The following POLR3B variants were observed in gnomAD, a reference collection of about 807,000 sequenced individuals.
POLR3B encodes DNA-directed RNA polymerase III subunit RPC2.
Under a neutral mutation model 147.4 loss-of-function variants are expected in POLR3B, and 96 were observed. That is an observed-to-expected ratio of 0.65 (90% CI 0.55 to 0.77). POLR3B has a LOEUF of 0.77. Ranked by LOEUF, POLR3B falls within the 30% of genes least tolerant of loss-of-function variation. The probability of loss-of-function intolerance (pLI) is 0.00; values close to 1 mark genes in which losing one functional copy is unlikely to be tolerated. For synonymous variants in POLR3B, 461 were observed against 485.9 expected (o/e 0.95, Z 0.67); for missense variants, 1,036 against 1,413.5 (o/e 0.73, Z 4.28).
chr12:106,508,316 T>A (rs528713319), intron 27 of POLR3B, among the ~76,000 whole-genome samples: 1 of 152,278 alleles, frequency 6.6e-6, no homozygotes, highest in South Asian at 2.1e-4. Context: ...ACATTTACAG[T>A]TTTTACACAC....
chr12:106,384,515 G>A (rs766520852), intron 9 of POLR3B, among the ~76,000 whole-genome samples: 1 of 152,132 alleles, frequency 6.6e-6, no homozygotes, highest in Non-Finnish European at 1.5e-5. Flanking sequence ...ATCACCCAGC[G>A]CACATATTCC....
At chr12:106,482,008 A>G (rs2038274329) in intron 23 of POLR3B, among the ~76,000 whole-genome samples, 1 of 152,220 alleles carries the variant, frequency 6.6e-6, no homozygotes, top group South Asian at 2.1e-4. Flanking sequence ...AAATGTTTAA[A>G]GCTCACACCC....
chr12:106,380,411 C>CAAAAAAAAAAAA (rs147457953), intron 9 of POLR3B, among the ~76,000 whole-genome samples: 2 of 98,994 alleles, frequency 2.0e-5, no homozygotes, highest in Non-Finnish European at 4.2e-5. Flanking sequence ...CCATCTCTAC[C>CAAAAAAAAAAAA]AAAAAAAAAA....
intron 19 of POLR3B, among the ~76,000 whole-genome samples, chr12:106,448,006 C>T (rs2037745173): frequency 6.6e-6 from 1 of 152,082 alleles, no homozygotes; most frequent in Admixed American, 6.6e-5. Context: ...ATACAAAGAT[C>T]CTCATAAAAT....
intron 20 of POLR3B, among the ~76,000 whole-genome samples, chr12:106,456,186 A>G (rs2037861137): frequency 6.6e-6 from 1 of 152,222 alleles, no homozygotes; most frequent in Non-Finnish European, 1.5e-5. Context: ...CCACAGAATC[A>G]GGAAATTATA....
In POLR3B at chr12:106,440,702, T is replaced by C. The variant is rs755241085; in HGVS notation, c.1955+2923T>C. 5.3e-5 allele frequency among the ~76,000 whole-genome samples: 8 copies of C among 151,788 alleles called. No individual in the cohort carries two copies. The South Asian group carries it at 1.7e-3, about 31-fold the overall frequency. On this transcript the variant is annotated intron_variant, in intron 18 of 27. Coordinates refer to ENST00000228347, the MANE Select transcript of POLR3B (RefSeq NM_018082.6). ...ACTCTAGTGAAAGTAGAAACTCTTA[T>C]CTCTATCCACTCCTCTTTACTACTT...
At chr12:106,465,069 A>G (rs2037987142) in intron 23 of POLR3B, among the ~76,000 whole-genome samples, 1 of 152,156 alleles carries the variant, frequency 6.6e-6, no homozygotes, top group Admixed American at 6.5e-5. Flanking sequence ...AAGTATCTTG[A>G]GTTTCTAATG....
rs778812401 is a variant in POLR3B, at chr12:106,463,575, C to A, written c.2668C>A (p.Arg890Ser). 4 of 1,613,148 alleles carry A rather than the reference C, an allele frequency of 2.5e-6. No homozygotes were observed. Among genetic ancestry groups the A allele is most frequent in the Non-Finnish European group, 2.5e-6 (3 of 1,179,354 alleles). ...CAAAATGCTGCTGAGACAGACAAGG[C>A]GTCCAGAAATTGGAGACAAATTCAG... is the stretch of plus-strand genomic sequence containing the variant. ...LIKMLLRQTR[R>S]PEIGDKFSSR... Residue 890 changes from arginine to serine, a missense_variant, in exon 23 of 28, where the codon CGT (arginine) becomes AGT (serine). Around this residue, in one of 12 missense-constraint regions of POLR3B, gnomAD observed 202 missense variants for 272.8 expected, o/e 0.74. Coordinates refer to ENST00000228347, the MANE Select transcript of POLR3B (RefSeq NM_018082.6).
chr12:106,473,862 C>T (rs2038125853), intron 23 of POLR3B, among the ~76,000 whole-genome samples: 1 of 150,636 alleles, frequency 6.6e-6, no homozygotes, highest in Admixed American at 6.6e-5. Flanking sequence ...TTATTTCCTT[C>T]TCCTGCGTGA....
At chr12:106,457,651 A>T (rs376607080) in intron 21 of POLR3B, among the ~76,000 whole-genome samples, 3 of 152,226 alleles carry the variant, frequency 2.0e-5, no homozygotes, top group African/African-American at 7.2e-5. Context: ...ATCCCCCTGC[A>T]AAGGTATGAC....
chr12:106,457,779 C>G (rs1429545494), intron 21 of POLR3B, among the ~76,000 whole-genome samples: 5 of 152,162 alleles, frequency 3.3e-5, no homozygotes, highest in African/African-American at 1.2e-4. Context: ...ATGCATAAAT[C>G]CAGGTTAAGG....
At chr12:106,496,978 CA>C (rs1185658820) in intron 25 of POLR3B, 60 bp downstream of exon 25, 18 of 1,522,778 alleles carry the variant, frequency 1.2e-5, no homozygotes, top group Non-Finnish European at 1.6e-5. Flanking sequence ...ATAGGGGAGA[CA>C]AAGCCTTAAG....
chr12:106,382,737 C>T (rs940000544), intron 9 of POLR3B, among the ~76,000 whole-genome samples: 4 of 152,150 alleles, frequency 2.6e-5, no homozygotes, highest in African/African-American at 9.7e-5. Context: ...TTTGTTGTTT[C>T]ATTGGTAGGG....
intron 27 of POLR3B, chr12:106,507,843 C>T: frequency 2.2e-6 from 1 of 454,246 alleles, no homozygotes; most frequent in Non-Finnish European, 4.4e-6. Flanking sequence ...TTACTGATTG[C>T]AAAAATGATC....
rs2037839447 is a variant in POLR3B, at chr12:106,454,517, A to G, written c.2099A>G (p.Asn700Ser). ...GKQAMGTIGY[N>S]QRNRIDTLMY... ...ATCAATGCAGGTACTATAGGATACA[A>G]CCAGCGAAACAGAATTGATACTCTC... The change falls in exon 20 of 28, where the codon AAC becomes AGC. Residue 700 changes from asparagine to serine, a missense_variant. Transcript: ENST00000228347. 6.3e-7 allele frequency: 1 copy of G among 1,582,886 alleles called. No individual in the cohort carries two copies. The highest frequency in any genetic ancestry group is 1.3e-5 in the African/African-American group (1 of 74,406).
chr12:106,405,784 A>G, intron 10 of POLR3B, 73 bp from the exon 11 acceptor site: 4 of 1,431,616 alleles, frequency 2.8e-6, no homozygotes, highest in Non-Finnish European at 3.9e-6. Flanking sequence ...CTCATACTGT[A>G]CATGTGGTTA....
In POLR3B at chr12:106,437,283, A is replaced by T. The variant is rs1033307091; in HGVS notation, c.1856+152A>T. The T allele has an allele frequency of 2.6e-5, 18 of 693,624 alleles. No individual in the cohort carries two copies. In the African/African-American group the frequency reaches 2.7e-4, roughly 10 times the overall value. 43.0% of individuals were successfully genotyped at this position (693,624 alleles called of 1,614,324 possible). A position where few individuals can be genotyped will look rare whatever the true frequency, so the allele number is the denominator to read the frequency against. On this transcript the variant is annotated intron_variant, in intron 17 of 27. Coordinates refer to ENST00000228347, the MANE Select transcript of POLR3B (RefSeq NM_018082.6). ...TTGCTCCATGTGAACTTGCTTGGAC[A>T]TTGTAAAATATTCATCAATTTAGAT...
At chr12:106,469,913 T>TGAC (rs1242883113) in intron 23 of POLR3B, among the ~76,000 whole-genome samples, 2 of 152,218 alleles carry the variant, frequency 1.3e-5, no homozygotes, top group Admixed American at 6.5e-5. Context: ...TTGGTGAATC[T>TGAC]GACAATTACA....
At chr12:106,361,706 C>T (rs2036471566) in intron 1 of POLR3B, among the ~76,000 whole-genome samples, 1 of 152,110 alleles carries the variant, frequency 6.6e-6, no homozygotes, top group Non-Finnish European at 1.5e-5. Context: ...TGTTTGAAAT[C>T]CTCCATTCCC....
Sources: gnomAD v4.1 joint callset for allele counts (sites outside exome capture counted in the v4.1 genomes callset) on GRCh38, gnomAD v4.1.1 for gene constraint, gnomAD v4.1.1 regional missense constraint, MANE v1.5 for transcripts, NCBI Gene and HGNC (gene_info 2026-07-23, HGNC 2026-07-21) for gene names.